Variants in PPARGC1B observed in about 807,000 individuals in gnomAD.
PPARGC1B encodes the protein PPARG coactivator 1 beta, also known as peroxisome proliferator-activated receptor gamma coactivator 1-beta.
In PPARGC1B, 34 loss-of-function variants were observed where a neutral mutation model predicts 101.6. The observed-to-expected ratio is 0.33, with a 90% CI of 0.25 to 0.45. PPARGC1B has a LOEUF of 0.45. PPARGC1B is among the 20% of genes least tolerant of loss of function. PPARGC1B has a pLI of 1.00. For missense variants in PPARGC1B, 1,234 were observed against 1,317.6 expected (o/e 0.94, Z 0.98); for synonymous variants, 548 against 539.3 (o/e 1.02, Z -0.22).
chr5:149,737,791 C>T lies in PPARGC1B; in HGVS notation c.78+7371C>T, dbSNP rs888672557. 5.3e-5 allele frequency among the ~76,000 whole-genome samples: 8 copies of T among 152,160 alleles called. 1 individual carries two copies. The South Asian group carries it at 6.2e-4, about 12-fold the overall frequency. On this transcript the variant is annotated intron_variant, in intron 1 of 11. Transcript: ENST00000309241. ...GGTGGATCACCTGAGGTCAGGAGTT[C>T]GAGACCAGCCTGGCCAACATGATGA...
At position 149,730,437 on chromosome 5, in the gene PPARGC1B, C is replaced by T. The variant is rs759858158; in HGVS notation, c.78+17C>T. 3 of 1,535,258 alleles carry T rather than the reference C, an allele frequency of 2.0e-6. No individual in the cohort carries two copies. Among genetic ancestry groups the T allele is most frequent in the East Asian group, 2.6e-5 (1 of 38,172 alleles). On this transcript the variant is annotated intron_variant, in intron 1 of 11. Coordinates refer to ENST00000309241, the MANE Select transcript of PPARGC1B (RefSeq NM_133263.4). This position sits in a 1 kb window ranked among gnomAD's most constrained non-coding sequence, Gnocchi z 4.0. ...GACACGCAGGTACGGCCGGCTGGGGCTGCGGGCCCGGGGCCAGGGGTGCTG... is the reference window on the plus strand; with the variant it reads ...GACACGCAGGTACGGCCGGCTGGGGTTGCGGGCCCGGGGCCAGGGGTGCTG...
At chr5:149,788,383 C>T (rs1303435655) in intron 1 of PPARGC1B, among the ~76,000 whole-genome samples, 1 of 152,186 alleles carries the variant, frequency 6.6e-6, no homozygotes, top group Admixed American at 6.5e-5. Flanking sequence ...GAGATACTGT[C>T]TCACACCAGT....
intron 1 of PPARGC1B, among the ~76,000 whole-genome samples, chr5:149,765,694 T>TA (rs935821138): frequency 3.3e-5 from 5 of 151,436 alleles, no homozygotes; most frequent in East Asian, 1.9e-4. Context: ...CCGTGTGTAC[T>TA]AAAAAAAATA....
At chr5:149,760,699 A>G (rs6895698) in intron 1 of PPARGC1B, among the ~76,000 whole-genome samples, 123,113 of 152,168 alleles carry the variant, frequency 0.81, 49,968 homozygotes, top group South Asian at 0.89. Flanking sequence ...GATCTCATGC[A>G]CCTGCTGCAC....
chr5:149,806,518 A>G (rs1757605330), intron 1 of PPARGC1B, among the ~76,000 whole-genome samples: 1 of 152,122 alleles, frequency 6.6e-6, no homozygotes, highest in South Asian at 2.1e-4. Context: ...AGATGCGGAA[A>G]TAGAACCAGA....
At chr5:149,793,754 G>A (rs1757106583) in intron 1 of PPARGC1B, among the ~76,000 whole-genome samples, 1 of 152,218 alleles carries the variant, frequency 6.6e-6, no homozygotes, top group Non-Finnish European at 1.5e-5. Flanking sequence ...GTAGGAGGAA[G>A]ATGTGTAAGC....
intron 1 of PPARGC1B, among the ~76,000 whole-genome samples, chr5:149,780,792 G>A (rs534767272): frequency 3.7e-4 from 57 of 152,332 alleles, no homozygotes; most frequent in Non-Finnish European, 7.5e-4. Context: ...CTTCCACATG[G>A]GTGGAGGCAG....
intron 1 of PPARGC1B, among the ~76,000 whole-genome samples, chr5:149,820,207 A>G (rs1294280195): frequency 6.6e-6 from 1 of 152,220 alleles, no homozygotes; most frequent in African/African-American, 2.4e-5. Flanking sequence ...AGGGATATGT[A>G]GGAGTGCAGA....
chr5:149,778,700 G>A (rs563280374), intron 1 of PPARGC1B, among the ~76,000 whole-genome samples: 7 of 152,152 alleles, frequency 4.6e-5, no homozygotes, highest in East Asian at 3.9e-4. Context: ...AGCCCTTCAC[G>A]CCCCTTCCTG....
At position 149,852,462 on chromosome 5, in the gene PPARGC1B, CCAG is replaced by C. The variant is rs1395520096; in HGVS notation, c.*4908_*4910del. The C allele has an allele frequency of 6.6e-6, 1 of 152,164 alleles. No homozygotes were observed. The highest frequency in any genetic ancestry group is 2.4e-5 in the African/African-American group (1 of 41,440). The allele number at this position is 152,164 out of a possible 1,614,324, so 9.4% of individuals were successfully genotyped here. A position where few individuals can be genotyped will look rare whatever the true frequency, so the allele number is the denominator to read the frequency against. ...GGTGAGGGTTCTCTGCAAGAACCAA[CCAG>C]CAGTAGGTTCAATCCCACTGTGTCC... On this transcript the variant is annotated 3_prime_UTR_variant, in exon 12 of 12. Transcript: ENST00000309241.
At chr5:149,751,174 A>G (rs2113120453) in intron 1 of PPARGC1B, among the ~76,000 whole-genome samples, 1 of 152,270 alleles carries the variant, frequency 6.6e-6, no homozygotes, top group African/African-American at 2.4e-5. Flanking sequence ...AGTATTAGGG[A>G]CTAATTTGTC....
At chr5:149,750,328 T>C (rs1376021109) in intron 1 of PPARGC1B, among the ~76,000 whole-genome samples, 2 of 151,812 alleles carry the variant, frequency 1.3e-5, no homozygotes, top group African/African-American at 2.4e-5. Context: ...CAAAATCCTC[T>C]ACTGACAGAT....
intron 1 of PPARGC1B, among the ~76,000 whole-genome samples, chr5:149,816,527 A>C (rs251465): frequency 0.35 from 53,583 of 152,076 alleles, 10,503 homozygotes; most frequent in African/African-American, 0.51. Context: ...GGAAAAATGT[A>C]CATAGCTTTT....
chr5:149,733,166 G>A (rs772948465), intron 1 of PPARGC1B, among the ~76,000 whole-genome samples: 5 of 152,168 alleles, frequency 3.3e-5, no homozygotes, highest in Non-Finnish European at 7.3e-5. Flanking sequence ...CATTGTCTTT[G>A]TCCCAAAAGA....
At chr5:149,735,392 T>G (rs1754665062) in intron 1 of PPARGC1B, among the ~76,000 whole-genome samples, 1 of 152,124 alleles carries the variant, frequency 6.6e-6, no homozygotes, top group Non-Finnish European at 1.5e-5. Context: ...TCCTTCTTCC[T>G]CTGGAATAAT....
intron 1 of PPARGC1B, among the ~76,000 whole-genome samples, chr5:149,802,663 T>A (rs535310916): frequency 6.6e-6 from 1 of 151,268 alleles, no homozygotes; most frequent in Non-Finnish European, 1.5e-5. Flanking sequence ...CTGTGAGGCA[T>A]ACACAGCTTT....
intron 10 of PPARGC1B, 129 bp from the exon 11 acceptor site, chr5:149,845,631 C>T: frequency 2.1e-6 from 2 of 936,750 alleles, no homozygotes; most frequent in East Asian, 4.9e-5. Flanking sequence ...ATCATCATCT[C>T]TATCTAGGGG....
intron 1 of PPARGC1B, among the ~76,000 whole-genome samples, chr5:149,755,046 C>CATATATATATATATATATATAT (rs1385735590): frequency 5.7e-5 from 6 of 105,582 alleles, no homozygotes; most frequent in African/African-American, 2.4e-4. Context: ...TATACATATA[C>CATATATATATATATATATATAT]ATATACATAT....
intron 1 of PPARGC1B, among the ~76,000 whole-genome samples, chr5:149,738,755 C>T (rs1754813825): frequency 6.6e-6 from 1 of 152,148 alleles, no homozygotes; most frequent in Admixed American, 6.5e-5. Context: ...TGCTACCACA[C>T]CTGGCTAATT....
Sources: gnomAD v4.1 joint callset for allele counts (sites outside exome capture counted in the v4.1 genomes callset) on GRCh38, gnomAD v4.1.1 for gene constraint, Gnocchi (gnomAD v3.1) non-coding constraint, MANE v1.5 for transcripts, NCBI Gene and HGNC (gene_info 2026-07-23, HGNC 2026-07-21) for gene names.